NEO1: variants seen among roughly 807,000 people sequenced by gnomAD.
NEO1 encodes the protein neogenin.
In NEO1, 63 loss-of-function variants were observed where a neutral mutation model predicts 159.7. That is an observed-to-expected ratio of 0.39 (90% CI 0.32 to 0.49). The LOEUF (loss-of-function observed/expected upper bound fraction) is 0.49, where lower values mean the gene tolerates loss of function less well. NEO1 is among the 20% of genes least tolerant of loss of function. The pLI is 0.85. For missense variants in NEO1, 1,615 were observed against 1,831.0 expected (o/e 0.88, Z 2.15); for synonymous variants, 633 against 662.0 (o/e 0.96, Z 0.67).
chr15:73,202,328 T>A (rs1377297365), intron 7 of NEO1, among the ~76,000 whole-genome samples: 2 of 152,136 alleles, frequency 1.3e-5, no homozygotes, highest in Admixed American at 1.3e-4. Flanking sequence ...TAAACTATAA[T>A]CACTAATACA....
At chr15:73,146,286 G>GT (rs2032891902) in intron 5 of NEO1, among the ~76,000 whole-genome samples, 3 of 152,168 alleles carry the variant, frequency 2.0e-5, no homozygotes, top group Admixed American at 2.0e-4. Context: ...TAATGTAGTA[G>GT]TGCCTGATGC....
intron 1 of NEO1, among the ~76,000 whole-genome samples, chr15:73,104,589 A>C (rs1050161277): frequency 2.0e-5 from 3 of 152,230 alleles, no homozygotes; most frequent in Non-Finnish European, 1.5e-5. Flanking sequence ...TTGTCATCAA[A>C]TAGCTAAAAT....
intron 7 of NEO1, among the ~76,000 whole-genome samples, chr15:73,213,831 C>A (rs1231112076): frequency 6.6e-6 from 1 of 152,124 alleles, no homozygotes; most frequent in Non-Finnish European, 1.5e-5. Flanking sequence ...TTTAATTCTT[C>A]AAGAAATCTC....
chr15:73,056,083 T>C (rs771636564), intron 1 of NEO1, among the ~76,000 whole-genome samples: 1 of 152,228 alleles, frequency 6.6e-6, no homozygotes, highest in Non-Finnish European at 1.5e-5. Context: ...CTGTTACTAG[T>C]GTTCTGTAGC....
intron 4 of NEO1, among the ~76,000 whole-genome samples, chr15:73,131,912 T>C (rs1456294960): frequency 1.3e-5 from 2 of 152,252 alleles, no homozygotes; most frequent in East Asian, 3.8e-4. Context: ...AATTTGCATG[T>C]GCTAGTCTAT....
At chr15:73,264,109 C>T (rs752713163) in intron 15 of NEO1, among the ~76,000 whole-genome samples, 1 of 152,052 alleles carries the variant, frequency 6.6e-6, no homozygotes, top group Non-Finnish European at 1.5e-5. Flanking sequence ...ATCGCTTGAT[C>T]CCTAGAGGTC....
At chr15:73,071,662 G>A (rs1340218021) in intron 1 of NEO1, among the ~76,000 whole-genome samples, 1 of 151,932 alleles carries the variant, frequency 6.6e-6, no homozygotes, top group Non-Finnish European at 1.5e-5. Flanking sequence ...CAATGGCTGG[G>A]ACTACCATGC....
At chr15:73,214,899 A>G (rs916884191) in intron 7 of NEO1, among the ~76,000 whole-genome samples, 2 of 152,084 alleles carry the variant, frequency 1.3e-5, no homozygotes, top group African/African-American at 2.4e-5. Flanking sequence ...TATTGATTCT[A>G]TGCATCCATG....
rs1341226853 is a variant in NEO1, at chr15:73,238,272, T to G, written c.1451+1766T>G. Among the ~76,000 whole-genome samples, 17 of 3,820 alleles carry G rather than the reference T, an allele frequency of 4.5e-3. No homozygotes were observed. The South Asian group carries it at 0.058, about 13-fold the overall frequency. The allele number at this position is 3,820 out of a possible 152,430, so 2.5% of individuals were successfully genotyped here. A position where few individuals can be genotyped will look rare whatever the true frequency, so the allele number is the denominator to read the frequency against. On this transcript the variant is annotated intron_variant, in intron 8 of 28. Coordinates refer to ENST00000261908, the MANE Select transcript of NEO1 (RefSeq NM_002499.4). ...TTGTTTGTTTCGCTTTTAGTTTGGG[T>G]TTTTTTTTTTTTTTTTTTTTTTTTT...
At chr15:73,278,070 T>C in intron 21 of NEO1, 61 bp from the exon 22 acceptor site, 1 of 1,440,526 alleles carries the variant, frequency 6.9e-7, no homozygotes, top group Non-Finnish European at 9.7e-7. Context: ...TCCCTAGCTA[T>C]GAAGTGGACT....
intron 22 of NEO1, among the ~76,000 whole-genome samples, chr15:73,282,065 C>G (rs748282432): frequency 1.3e-5 from 2 of 152,188 alleles, no homozygotes; most frequent in Admixed American, 6.5e-5. Context: ...TCTGCTTAAA[C>G]AACACTGGCT....
At position 73,260,386 on chromosome 15, in the gene NEO1, T is replaced by C. The variant is rs1171597295; in HGVS notation, c.2319T>C (p.Ile773=). The change falls in exon 15 of 29, where the codon ATT becomes ATC. Residue 773 remains isoleucine (I), a synonymous_variant. Transcript: ENST00000261908. The stretch of plus-strand genomic sequence containing the variant: ...ACATTGTGGTCAGAGGTTACGCCAT[T>C]GGTTATGGCATTGGCAGCCCTCATG... ...NQNIVVRGYA[I]GYGIGSPHAQ... The C allele has an allele frequency of 6.2e-7, 1 of 1,613,932 alleles. No homozygotes were observed. The highest frequency in any genetic ancestry group is 8.5e-7 in the Non-Finnish European group (1 of 1,179,966).
chr15:73,111,711 C>T (rs1353716880), intron 1 of NEO1, among the ~76,000 whole-genome samples: 1 of 152,164 alleles, frequency 6.6e-6, no homozygotes, highest in Non-Finnish European at 1.5e-5. Context: ...TCCTCTTCCT[C>T]CCGTGCTCCA....
chr15:73,280,804 T>A (rs2041658703), intron 22 of NEO1, among the ~76,000 whole-genome samples: 1 of 152,158 alleles, frequency 6.6e-6, no homozygotes, highest in Non-Finnish European at 1.5e-5. Flanking sequence ...GCCCCAGATT[T>A]AGCACTGTAC....
intron 7 of NEO1, among the ~76,000 whole-genome samples, chr15:73,191,352 TAGAA>T (rs1295478052): frequency 1.3e-5 from 2 of 151,752 alleles, no homozygotes; most frequent in East Asian, 1.9e-4. Flanking sequence ...GGAAAGAACA[TAGAA>T]AGACAGAGTA....
chr15:73,257,216 G>T (rs1596498526), intron 13 of NEO1, among the ~76,000 whole-genome samples: 2 of 126,448 alleles, frequency 1.6e-5, no homozygotes, highest in Admixed American at 8.6e-5. Context: ...TTTTCATTTT[G>T]AATATTTAGT....
At chr15:73,244,944 G>C (rs1462618867) in intron 9 of NEO1, among the ~76,000 whole-genome samples, 2 of 37,126 alleles carry the variant, frequency 5.4e-5, no homozygotes, top group African/African-American at 1.4e-4. Context: ...GACAGAGTGA[G>C]ACTCTGTCTC....
chr15:73,174,975 T>A (rs184650026), intron 5 of NEO1, among the ~76,000 whole-genome samples: 151 of 152,244 alleles, frequency 9.9e-4, no homozygotes, highest in African/African-American at 3.4e-3. Flanking sequence ...TTGGGGGAGG[T>A]TCTGCTTGAC....
chr15:73,216,502 A>C (rs918827715), intron 7 of NEO1, among the ~76,000 whole-genome samples: 3 of 152,156 alleles, frequency 2.0e-5, no homozygotes, highest in Non-Finnish European at 2.9e-5. Context: ...CCTGAGGAAT[A>C]GCCACACTGA....
Sources: gnomAD v4.1 joint callset for allele counts (sites outside exome capture counted in the v4.1 genomes callset) on GRCh38, gnomAD v4.1.1 for gene constraint, MANE v1.5 for transcripts, NCBI Gene and HGNC (gene_info 2026-07-23, HGNC 2026-07-21) for gene names.